Variants in BTBD9 observed in about 807,000 individuals in gnomAD.
The protein encoded by BTBD9 is BTB domain containing 9, also known as BTB/POZ domain-containing protein 9.
BTBD9 carries 49 observed loss-of-function variants against 64.3 expected under a neutral mutation model. The observed-to-expected ratio is 0.76, with a 90% CI of 0.61 to 0.97. The LOEUF is 0.97. Among genes scored for constraint, BTBD9 ranks in the 50% least tolerant of loss-of-function variants. The pLI is 0.00. For synonymous variants in BTBD9, 260 were observed against 274.7 expected, an observed-to-expected ratio of 0.95 and a Z score of 0.53; for missense variants, 598 against 762.1, an observed-to-expected ratio of 0.78 and a Z score of 2.53.
chr6:38,288,399 T>C lies in BTBD9; in HGVS notation c.1327A>G (p.Ser443Gly). 6.2e-7 allele frequency: 1 copy of C among 1,614,096 alleles called. No homozygotes were observed. Among genetic ancestry groups the C allele is most frequent in the Non-Finnish European group, 8.5e-7 (1 of 1,179,996 alleles). Reference sequence around the variant, plus strand: ...TCCCCATTCAGCAAGGCATTTCGGCTCCGACTGACTCCTTCAATCACACTG... The same window carrying C: ...TCCCCATTCAGCAAGGCATTTCGGCCCCGACTGACTCCTTCAATCACACTG... ...CASVIEGVSR[S>G]RNALLNGDTK... is the part of the protein sequence containing the mutation. Residue 443 changes from serine to glycine, a missense_variant, in exon 8 of 11, where the codon AGC becomes GGC. Transcript: ENST00000481247.
intron 1 of BTBD9, among the ~76,000 whole-genome samples, chr6:38,628,637 A>C (rs1467019790): frequency 6.6e-6 from 1 of 152,204 alleles, no homozygotes; most frequent in Non-Finnish European, 1.5e-5. Flanking sequence ...AAAAATATAG[A>C]AATGTGTGGA....
chr6:38,374,217 C>T (rs548153137), intron 6 of BTBD9, among the ~76,000 whole-genome samples: 8 of 141,772 alleles, frequency 5.6e-5, no homozygotes, highest in East Asian at 2.1e-4. Context: ...CGCAGTGAGC[C>T]GAGACTGTGC....
Position 38,535,663 on chromosome 6 carries a change from A to G in BTBD9, c.1154+41937T>C, listed in dbSNP as rs555000225. On this transcript the variant is annotated intron_variant, in intron 6 of 10. Coordinates refer to ENST00000481247, the MANE Select transcript of BTBD9 (RefSeq NM_001099272.2). ...GTTACTGGCATTAAAAAACAGATAC[A>G]TAGACCAACGGAACAGAATTGAGAA... is the stretch of plus-strand genomic sequence containing the variant. Among the ~76,000 whole-genome samples, 4 of 152,270 alleles carry G rather than the reference A, an allele frequency of 2.6e-5. No individual in the cohort carries two copies. The South Asian group carries it at 8.3e-4, about 32-fold the overall frequency.
intron 6 of BTBD9, among the ~76,000 whole-genome samples, chr6:38,437,529 G>A (rs1474831587): frequency 6.6e-6 from 1 of 152,052 alleles, no homozygotes; most frequent in East Asian, 1.9e-4. Context: ...TGGGTTTATT[G>A]TTATTTCTTT....
At chr6:38,606,162 G>A (rs185123695) in intron 1 of BTBD9, among the ~76,000 whole-genome samples, 36 of 152,258 alleles carry the variant, frequency 2.4e-4, no homozygotes, top group Admixed American at 2.0e-3. Flanking sequence ...TGAAGGCTGC[G>A]CTGTCGGGTT....
At chr6:38,613,204 A>C (rs1226500533) in intron 1 of BTBD9, among the ~76,000 whole-genome samples, 1 of 152,260 alleles carries the variant, frequency 6.6e-6, no homozygotes, top group African/African-American at 2.4e-5. Context: ...AATAGCTATT[A>C]GAAATTTTAA....
At chr6:38,180,781 A>T (rs186809841) in intron 10 of BTBD9, among the ~76,000 whole-genome samples, 1 of 152,298 alleles carries the variant, frequency 6.6e-6, no homozygotes, top group East Asian at 1.9e-4. Flanking sequence ...CTGCTCACAA[A>T]GGGGCGCCTT....
chr6:38,204,805 G>C (rs1582046522), intron 9 of BTBD9, among the ~76,000 whole-genome samples: 1 of 151,964 alleles, frequency 6.6e-6, no homozygotes, highest in Non-Finnish European at 1.5e-5. Context: ...AGAGGACATG[G>C]ATACAGTTCA....
chr6:38,587,644 T>C (rs1453662070), intron 4 of BTBD9: 2 of 600,412 alleles, frequency 3.3e-6, no homozygotes, highest in South Asian at 3.1e-5. Context: ...GAAATATCTC[T>C]GTCGAGAACT....
At chr6:38,583,006 A>G (rs183321074) in intron 4 of BTBD9, among the ~76,000 whole-genome samples, 113 of 152,338 alleles carry the variant, frequency 7.4e-4, no homozygotes, top group African/African-American at 2.6e-3. Flanking sequence ...GACACCTCCA[A>G]TCTAGAGAGG....
chr6:38,559,319 C>T (rs999899078), intron 6 of BTBD9, among the ~76,000 whole-genome samples: 1 of 150,960 alleles, frequency 6.6e-6, no homozygotes, highest in African/African-American at 2.4e-5. Flanking sequence ...ATCCCATTTA[C>T]AATAGTCACA....
chr6:38,521,993 G>A (rs937675079), intron 6 of BTBD9, among the ~76,000 whole-genome samples: 7 of 152,008 alleles, frequency 4.6e-5, no homozygotes, highest in African/African-American at 1.7e-4. Context: ...CTACTTCTAA[G>A]TTATCAGTTT....
chr6:38,210,173 G>A (rs1762782679), intron 9 of BTBD9, among the ~76,000 whole-genome samples: 1 of 152,142 alleles, frequency 6.6e-6, no homozygotes, highest in African/African-American at 2.4e-5. Context: ...CCCCTAAGGG[G>A]ATGCAGTAAT....
intron 6 of BTBD9, among the ~76,000 whole-genome samples, chr6:38,362,921 T>A (rs1312317065): frequency 6.6e-6 from 1 of 152,054 alleles, no homozygotes; most frequent in African/African-American, 2.4e-5. Context: ...CTTTCACTCA[T>A]GGGAATCTCA....
chr6:38,462,896 T>C (rs1262641991), intron 6 of BTBD9, among the ~76,000 whole-genome samples: 2 of 152,186 alleles, frequency 1.3e-5, no homozygotes. Flanking sequence ...CCTCCTGGAC[T>C]CACACTATCC....
At chr6:38,273,023 C>G (rs1372062307) in intron 8 of BTBD9, among the ~76,000 whole-genome samples, 1 of 152,168 alleles carries the variant, frequency 6.6e-6, no homozygotes, top group Admixed American at 6.5e-5. Flanking sequence ...AAATGAGAAG[C>G]AAAGGGATAC....
rs1561830683 is a variant in BTBD9, at chr6:38,175,097, G to C, written c.1727C>G (p.Thr576Ser). Reference sequence around the variant, plus strand: ...GTCGAGCTGCTGACCGGCCAGGCTGGTGTCCCCTGTCCCCGATTCCTCACT... The same window carrying C: ...GTCGAGCTGCTGACCGGCCAGGCTGCTGTCCCCTGTCCCCGATTCCTCACT... ...ENSEESGTGD[T>S]SLAGQQLDSH... The change falls in exon 11 of 11, where the codon ACC becomes AGC. Residue 576 changes from threonine (T) to serine (S), a missense_variant. Coordinates refer to ENST00000481247, the MANE Select transcript of BTBD9 (RefSeq NM_001099272.2). The C allele has an allele frequency of 5.0e-6, 8 of 1,614,130 alleles. No individual in the cohort carries two copies. Among genetic ancestry groups the C allele is most frequent in the Non-Finnish European group, 5.9e-6 (7 of 1,180,062 alleles).
chr6:38,231,739 A>T (rs1303630151), intron 9 of BTBD9, among the ~76,000 whole-genome samples: 1 of 152,246 alleles, frequency 6.6e-6, no homozygotes, highest in Non-Finnish European at 1.5e-5. Context: ...ACTGGCACCC[A>T]GCAGTGCTGT....
At chr6:38,199,495 C>A (rs1032396792) in intron 9 of BTBD9, among the ~76,000 whole-genome samples, 8 of 152,140 alleles carry the variant, frequency 5.3e-5, no homozygotes, top group Non-Finnish European at 1.2e-4. Flanking sequence ...AAAGTTCCTG[C>A]CCTCCAAGAG....
Sources: allele counts gnomAD v4.1 joint callset (sites outside exome capture counted in the v4.1 genomes callset), GRCh38; gene constraint gnomAD v4.1.1; transcripts MANE v1.5; gene names NCBI Gene and HGNC (gene_info 2026-07-23, HGNC 2026-07-21).